Variants in CLYBL observed in about 807,000 individuals in gnomAD.
The protein encoded by CLYBL is citramalyl-CoA lyase.
In CLYBL, 31 loss-of-function variants were observed where a neutral mutation model predicts 38.9. That is an observed-to-expected ratio of 0.80 (90% CI 0.60 to 1.08). The LOEUF is 1.08. Ranked by LOEUF, CLYBL falls within the 50% of genes least tolerant of loss-of-function variation. The probability of loss-of-function intolerance (pLI) is 0.00; values close to 1 mark genes in which losing one functional copy is unlikely to be tolerated. For synonymous variants in CLYBL, 171 were observed against 158.6 expected, an observed-to-expected ratio of 1.08 and a Z score of -0.59; for missense variants, 434 against 411.6, an observed-to-expected ratio of 1.05 and a Z score of -0.47.
At chr13:99,610,259 G>A (rs889479731) in intron 1 of CLYBL, among the ~76,000 whole-genome samples, 4 of 152,182 alleles carry the variant, frequency 2.6e-5, no homozygotes, top group African/African-American at 9.7e-5. Context: ...TTAAATAGAT[G>A]ATTTAATTAG....
chr13:99,905,152 G>A (rs2052683478), intron 8 of CLYBL, among the ~76,000 whole-genome samples: 1 of 152,202 alleles, frequency 6.6e-6, no homozygotes, highest in Non-Finnish European at 1.5e-5. Flanking sequence ...AGAAAGCTTT[G>A]ATCACAACTA....
At chr13:99,617,042 T>C (rs1294833181) in intron 1 of CLYBL, among the ~76,000 whole-genome samples, 1 of 152,174 alleles carries the variant, frequency 6.6e-6, no homozygotes, top group African/African-American at 2.4e-5. Context: ...AATAGAATAC[T>C]TGAGTGAGCA....
intron 6 of CLYBL, among the ~76,000 whole-genome samples, chr13:99,870,113 CA>C (rs1801873500): frequency 6.6e-6 from 1 of 151,876 alleles, no homozygotes; most frequent in South Asian, 2.1e-4. Context: ...GGTATTTCTA[CA>C]GAGATAAGAT....
chr13:99,779,939 T>C (rs2049605061), intron 2 of CLYBL, among the ~76,000 whole-genome samples: 1 of 152,218 alleles, frequency 6.6e-6, no homozygotes, highest in Admixed American at 6.5e-5. Flanking sequence ...TTCCATGTGC[T>C]GAAGAAGAAA....
intron 2 of CLYBL, among the ~76,000 whole-genome samples, chr13:99,825,568 A>C (rs1229561217): frequency 6.6e-6 from 1 of 152,174 alleles, no homozygotes; most frequent in African/African-American, 2.4e-5. Flanking sequence ...GGAAGGATTT[A>C]GAATGTAATT....
intron 1 of CLYBL, among the ~76,000 whole-genome samples, chr13:99,772,574 T>C (rs956280436): frequency 6.6e-6 from 1 of 152,134 alleles, no homozygotes; most frequent in Admixed American, 6.5e-5. Context: ...GGCACACACC[T>C]GTAGTCCCAA....
intron 1 of CLYBL, among the ~76,000 whole-genome samples, chr13:99,700,902 C>T (rs1175338534): frequency 6.6e-6 from 1 of 152,170 alleles, no homozygotes; most frequent in African/African-American, 2.4e-5. Context: ...GTATTCATTA[C>T]GGAAAAGTTG....
chr13:99,756,308 C>T (rs1594162545), intron 1 of CLYBL, among the ~76,000 whole-genome samples: 1 of 152,358 alleles, frequency 6.6e-6, no homozygotes, highest in East Asian at 1.9e-4. Context: ...TAATGTTCAG[C>T]AAGCCCAAGT....
rs1318124564 is a variant in CLYBL at position 99,817,687 on chromosome 13, AAAAGC to A, written c.250-41172_250-41168del. Among the ~76,000 whole-genome samples the A allele has an allele frequency of 1.5e-4, 22 of 151,462 alleles. 1 individual carries two copies. Among genetic ancestry groups the A allele is most frequent in the East Asian group, 5.8e-4 (3 of 5,130 alleles). On this transcript the variant is annotated intron_variant, in intron 2 of 8. Transcript: ENST00000339105. ...AAAAAAAAAAAAGAAAAGAAAAAAG[AAAAGC>A]ACTGAGCTAAAGTAAAGAAAAACCA...
chr13:99,682,295 C>T (rs540102711), intron 1 of CLYBL, among the ~76,000 whole-genome samples: 2 of 152,188 alleles, frequency 1.3e-5, no homozygotes, highest in African/African-American at 4.8e-5. Flanking sequence ...ATGCGCCTGC[C>T]ACCATGCCTG....
At chr13:99,764,401 T>C (rs2049227268) in intron 1 of CLYBL, among the ~76,000 whole-genome samples, 1 of 152,208 alleles carries the variant, frequency 6.6e-6, no homozygotes, top group South Asian at 2.1e-4. Context: ...GACTTTATTA[T>C]GGCTTCAGTA....
chr13:99,771,021 T>C (rs1234702934), intron 1 of CLYBL, among the ~76,000 whole-genome samples: 2 of 4,648 alleles, frequency 4.3e-4, no homozygotes, highest in Admixed American at 1.9e-3. Context: ...CGCGGGGCCC[T>C]TTTTTTTTTT....
intron 1 of CLYBL, among the ~76,000 whole-genome samples, chr13:99,729,346 G>A (rs2048540083): frequency 6.6e-6 from 1 of 152,132 alleles, no homozygotes; most frequent in African/African-American, 2.4e-5. Flanking sequence ...CCTTTAGATT[G>A]GGCTCCTTTG....
intron 8 of CLYBL, among the ~76,000 whole-genome samples, chr13:99,904,694 A>G (rs9585271): frequency 0.17 from 26,393 of 152,158 alleles, 2,872 homozygotes; most frequent in African/African-American, 0.3. Flanking sequence ...TCTCATATAT[A>G]CTTAAAGCAT....
chr13:99,752,647 T>G (rs569709942), intron 1 of CLYBL, among the ~76,000 whole-genome samples: 10 of 152,088 alleles, frequency 6.6e-5, no homozygotes, highest in Non-Finnish European at 7.4e-5. Flanking sequence ...CCTGCGCTGC[T>G]GTCTTCCCTC....
chr13:99,770,700 G>A (rs956752624), intron 1 of CLYBL, among the ~76,000 whole-genome samples: 1 of 151,982 alleles, frequency 6.6e-6, no homozygotes, highest in African/African-American at 2.4e-5. Flanking sequence ...CACTGCGCCC[G>A]GCCGGGTTTT....
intron 2 of CLYBL, among the ~76,000 whole-genome samples, chr13:99,792,106 TAA>T (rs1334827844): frequency 6.6e-6 from 1 of 151,826 alleles, no homozygotes; most frequent in East Asian, 1.9e-4. Context: ...GAGAGAAAAA[TAA>T]GTCATTTTAT....
chr13:99,816,246 T>C (rs2050445927), intron 2 of CLYBL, among the ~76,000 whole-genome samples: 1 of 152,242 alleles, frequency 6.6e-6, no homozygotes, highest in African/African-American at 2.4e-5. Context: ...TTGAACTCAT[T>C]TGTTTAACAA....
Position 99,858,866 on chromosome 13 carries a change from A to G in CLYBL, c.255A>G (p.Glu85=), listed in dbSNP as rs1181830538. 6 of 1,599,824 alleles carry G rather than the reference A, an allele frequency of 3.8e-6. No homozygotes were observed. ...CTTTTTATTGACACTTACAGAATGA[A>G]GCTCGACTGAGAATTGTAAAAACTC... ...EDGVAANKKN[E]ARLRIVKTLE... is the part of the protein sequence containing the mutation. Residue 85 remains glutamate (E), a synonymous_variant, in exon 3 of 9, where the codon GAA becomes GAG. Transcript: ENST00000339105.
Sources: allele counts gnomAD v4.1 joint callset (sites outside exome capture counted in the v4.1 genomes callset), GRCh38; gene constraint gnomAD v4.1.1; transcripts MANE v1.5; gene names NCBI Gene and HGNC (gene_info 2026-07-23, HGNC 2026-07-21).